Variants in CHRNB4 observed in about 807,000 individuals in gnomAD.
CHRNB4 encodes neuronal acetylcholine receptor subunit beta-4.
A neutral mutation model predicts 40.4 loss-of-function variants in CHRNB4; 23 were observed. The observed-to-expected ratio is 0.57, with a 90% CI of 0.41 to 0.81. The LOEUF is 0.81. Ranked by LOEUF, CHRNB4 falls within the 30% of genes least tolerant of loss-of-function variation. The pLI is 0.00. For synonymous variants in CHRNB4, 285 were observed against 274.4 expected (o/e 1.04, Z -0.38); for missense variants, 568 against 670.6 (o/e 0.85, Z 1.69).
At chr15:78,646,565 C>T (rs1281074452) in intron 7 of CHRNB4, among the ~76,000 whole-genome samples, 1 of 152,142 alleles carries the variant, frequency 6.6e-6, no homozygotes, top group Non-Finnish European at 1.5e-5. Flanking sequence ...CAGGGTGCCA[C>T]CATGGTCGGC....
In CHRNB4 at chr15:78,625,154, G is replaced by C. The variant is rs2053621955; in HGVS notation, c.1476C>G (p.Pro492=). The C allele has an allele frequency of 6.2e-7, 1 of 1,613,936 alleles. No homozygotes were observed. The highest frequency in any genetic ancestry group is 1.7e-5 in the Admixed American group (1 of 59,978). The change falls in exon 6 of 6, where the codon CCC becomes CCG. Residue 492 remains proline (P), a synonymous_variant. Coordinates refer to ENST00000261751, the MANE Select transcript of CHRNB4 (RefSeq NM_000750.5). ...GCCCTCAGTCACGCTGGGCAGCGTAGGGCCCCTCAGAAGCTGCATGGGTCT... is the reference window on the plus strand; with the variant it reads ...GCCCTCAGTCACGCTGGGCAGCGTACGGCCCCTCAGAAGCTGCATGGGTCT... The part of the protein sequence containing the change: ...LFQTHAASEG[P]YAAQRD
At chr15:78,659,218 C>G (rs1485340668) in intron 1 of CHRNB4, among the ~76,000 whole-genome samples, 3 of 152,070 alleles carry the variant, frequency 2.0e-5, no homozygotes, top group African/African-American at 7.2e-5. Flanking sequence ...CATTTCAGCC[C>G]AGGAGTTTGA....
chr15:78,638,632 G>GA (rs1406384442), intron 1 of CHRNB4, among the ~76,000 whole-genome samples: 1 of 152,044 alleles, frequency 6.6e-6, no homozygotes, highest in Non-Finnish European at 1.5e-5. Flanking sequence ...GGGGGCCGGG[G>GA]GGGTGGTGCA....
At chr15:78,641,010 C>T (rs993581583) in intron 1 of CHRNB4, 69 bp downstream of exon 1, 6 of 1,503,190 alleles carry the variant, frequency 4.0e-6, no homozygotes, top group Non-Finnish European at 5.4e-6. Context: ...TTCCCTCCCA[C>T]CTGTGGCCAG....
Position 78,630,975 on chromosome 15 carries a change from A to C in CHRNB4, c.359+101T>G. The stretch of plus-strand genomic sequence containing the variant: ...TGGCCTGGAAGGCTGGGTAAAGCAG[A>C]GATGGGGCTCAGGGTTGGACTCAGG... On this transcript the variant is annotated intron_variant, in intron 4 of 5. Transcript: ENST00000261751. 3 of 884,008 alleles carry C rather than the reference A, an allele frequency of 3.4e-6. No homozygotes were observed. The East Asian group carries it at 7.4e-5, about 22-fold the overall frequency. 54.8% of individuals were successfully genotyped at this position (884,008 alleles called of 1,614,324 possible). A position where few individuals can be genotyped will look rare whatever the true frequency, so the allele number is the denominator to read the frequency against.
chr15:78,625,727 G>C (rs143110740), intron 5 of CHRNB4, among the ~76,000 whole-genome samples: 1 of 152,180 alleles, frequency 6.6e-6, no homozygotes, highest in Non-Finnish European at 1.5e-5. Context: ...AGTTCAGTGA[G>C]AGCAGAGAAA....
chr15:78,631,037 C>A (rs1416037444), intron 4 of CHRNB4, 39 bp downstream of exon 4: 1 of 1,543,158 alleles, frequency 6.5e-7, no homozygotes, highest in Non-Finnish European at 8.9e-7. Flanking sequence ...GCTGCCCTGG[C>A]CTGGCTGTCA....
At chr15:78,653,692 A>T (rs115572060) in intron 5 of CHRNB4, among the ~76,000 whole-genome samples, 1 of 152,102 alleles carries the variant, frequency 6.6e-6, no homozygotes, top group African/African-American at 2.4e-5. Flanking sequence ...CAAGCCCCCA[A>T]ACCAACTACT....
intron 1 of CHRNB4, 89 bp downstream of exon 1, chr15:78,640,990 G>GC (rs1389020211): frequency 7.1e-7 from 1 of 1,408,086 alleles, no homozygotes; most frequent in South Asian, 1.3e-5. Flanking sequence ...CGGGCGCAGG[G>GC]CACCCTCCCT....
Position 78,624,642 on chromosome 15 carries a change from T to C in CHRNB4, c.*491A>G, listed in dbSNP as rs1596091867. On this transcript the variant is annotated 3_prime_UTR_variant, in exon 6 of 6. Coordinates refer to ENST00000261751, the MANE Select transcript of CHRNB4 (RefSeq NM_000750.5). ...TCTGTAATCCCAGCTACTTGGGAGG[T>C]TGAGGCAGGAGAATCACTTGAGCCT... is the stretch of plus-strand genomic sequence containing the variant. 4.2e-6 allele frequency: 1 copy of C among 237,512 alleles called. No individual in the cohort carries two copies. Among genetic ancestry groups the C allele is most frequent in the Non-Finnish European group, 8.1e-6 (1 of 124,200 alleles). 14.7% of individuals were successfully genotyped at this position (237,512 alleles called of 1,614,324 possible). A position where few individuals can be genotyped will look rare whatever the true frequency, so the allele number is the denominator to read the frequency against.
intron 4 of CHRNB4, 101 bp from the exon 5 acceptor site, chr15:78,630,046 A>C: frequency 7.6e-7 from 1 of 1,314,604 alleles, no homozygotes; most frequent in Non-Finnish European, 1.0e-6. Flanking sequence ...ATTTCCCACT[A>C]ATCACCCTTC....
At chr15:78,655,448 CTATATATATCTATA>C (rs921173849) in intron 5 of CHRNB4, 2 of 118,052 alleles carry the variant, frequency 1.7e-5, no homozygotes, top group Non-Finnish European at 1.8e-5. Flanking sequence ...ATATCTATAT[CTATATATATCTATA>C]TATCTATATC....
chr15:78,628,944 G>C, intron 5 of CHRNB4, 23 bp downstream of exon 5: 3 of 1,592,522 alleles, frequency 1.9e-6, no homozygotes, highest in Non-Finnish European at 2.6e-6. Context: ...GGGCAGGTGG[G>C]CAGGGGCTGG....
At chr15:78,638,633 G>GT (rs1288207618) in intron 1 of CHRNB4, among the ~76,000 whole-genome samples, 6 of 152,170 alleles carry the variant, frequency 3.9e-5, no homozygotes, top group East Asian at 1.9e-4. Flanking sequence ...GGGGCCGGGG[G>GT]GGTGGTGCAC....
intron 1 of CHRNB4, among the ~76,000 whole-genome samples, chr15:78,659,494 AAAC>A (rs1225090869): frequency 6.6e-6 from 1 of 152,032 alleles, no homozygotes; most frequent in Non-Finnish European, 1.5e-5. Context: ...GCTCTAGAGA[AAAC>A]AAAACAGAGT....
intron 1 of CHRNB4, among the ~76,000 whole-genome samples, chr15:78,660,340 A>C (rs1205540266): frequency 1.3e-5 from 2 of 152,240 alleles, no homozygotes; most frequent in East Asian, 1.9e-4. Flanking sequence ...CTGCAGCTTC[A>C]ATAAAAGTTG....
intron 1 of CHRNB4, among the ~76,000 whole-genome samples, chr15:78,660,067 C>T (rs1224308878): frequency 2.0e-5 from 3 of 151,918 alleles, no homozygotes; most frequent in Non-Finnish European, 2.9e-5. Flanking sequence ...ATTAGCCAGG[C>T]GTGTTGGTGT....
intron 1 of CHRNB4, among the ~76,000 whole-genome samples, chr15:78,659,114 G>C (rs1014540827): frequency 2.0e-5 from 3 of 152,166 alleles, no homozygotes; most frequent in African/African-American, 7.2e-5. Context: ...GGGGGTGTAA[G>C]ATGGGGAGAC....
intron 1 of CHRNB4, among the ~76,000 whole-genome samples, chr15:78,637,619 A>C (rs1200410253): frequency 6.6e-6 from 1 of 152,120 alleles, no homozygotes; most frequent in African/African-American, 2.4e-5. Context: ...GGGTAGGGCC[A>C]GAAGGCCCAG....
Sources: allele counts gnomAD v4.1 joint callset (sites outside exome capture counted in the v4.1 genomes callset), GRCh38; gene constraint gnomAD v4.1.1; transcripts MANE v1.5; gene names NCBI Gene and HGNC (gene_info 2026-07-23, HGNC 2026-07-21).